The following SDK1 variants were observed in gnomAD, a reference collection of about 807,000 sequenced individuals.
SDK1 encodes protein sidekick-1.
SDK1 carries 157 observed loss-of-function variants against 245.5 expected under a neutral mutation model. The ratio of observed to expected loss-of-function variants is 0.64; its 90% CI spans 0.56 to 0.73. The LOEUF is 0.73. Among genes scored for constraint, SDK1 ranks in the 30% least tolerant of loss-of-function variants. The pLI, the probability that SDK1 is intolerant of heterozygous loss-of-function variation, is 0.00. For synonymous variants in SDK1, 1,647 were observed against 1,278.5 expected, an observed-to-expected ratio of 1.29 and a Z score of -6.15; for missense variants, 3,583 against 3,002.3, an observed-to-expected ratio of 1.19 and a Z score of -4.52.
At position 3,571,669 on chromosome 7, in the gene SDK1, T is replaced by G. The variant is rs575929406; in HGVS notation, c.299-47411T>G. 7.2e-5 allele frequency among the ~76,000 whole-genome samples: 11 copies of G among 152,232 alleles called. No individual in the cohort carries two copies. The East Asian group carries it at 2.1e-3, about 29-fold the overall frequency. ...TCAAAGCTCCACATCTTTTAACGAT[T>G]ATTACTATTTGATCTAAAACCTTTT... is the stretch of plus-strand genomic sequence containing the variant. On this transcript the variant is annotated intron_variant, in intron 1 of 44. Transcript: ENST00000404826.
chr7:3,810,352 G>A (rs137897791), intron 4 of SDK1, among the ~76,000 whole-genome samples: 1 of 151,224 alleles, frequency 6.6e-6, no homozygotes, highest in Admixed American at 6.6e-5. Context: ...TTTTTTCCTG[G>A]AATTTTTATT....
At position 3,383,449 on chromosome 7, in the gene SDK1, T is replaced by G. The variant is rs543211895; in HGVS notation, c.298+81565T>G. 3.9e-5 allele frequency among the ~76,000 whole-genome samples: 6 copies of G among 152,292 alleles called. No individual in the cohort carries two copies. The South Asian group carries it at 1.2e-3, about 32-fold the overall frequency. On this transcript the variant is annotated intron_variant, in intron 1 of 44. Coordinates refer to ENST00000404826, the MANE Select transcript of SDK1 (RefSeq NM_152744.4). ...TGGGGTGATTTCCCTCTCCCCAGTTTGGAAGTCTTCAATAAAAGGATAAAA... is the reference window on the plus strand; with the variant it reads ...TGGGGTGATTTCCCTCTCCCCAGTTGGGAAGTCTTCAATAAAAGGATAAAA...
intron 4 of SDK1, among the ~76,000 whole-genome samples, chr7:3,781,975 A>G (rs904527780): frequency 1.3e-5 from 2 of 152,230 alleles, no homozygotes; most frequent in African/African-American, 4.8e-5. Context: ...AGCAGAGAGA[A>G]AAAAGCACCA....
At chr7:4,248,583 C>G (rs1386023940) in intron 44 of SDK1, among the ~76,000 whole-genome samples, 1 of 152,028 alleles carries the variant, frequency 6.6e-6, no homozygotes, top group African/African-American at 2.4e-5. Flanking sequence ...TACATGCACA[C>G]ACATGCATAC....
At chr7:4,034,132 A>G (rs970901312) in intron 17 of SDK1, among the ~76,000 whole-genome samples, 3 of 152,228 alleles carry the variant, frequency 2.0e-5, no homozygotes, top group Non-Finnish European at 2.9e-5. Context: ...GAATCAAGTT[A>G]AAAAGAAACA....
At chr7:4,064,180 T>C (rs1257427911) in intron 19 of SDK1, among the ~76,000 whole-genome samples, 1 of 152,166 alleles carries the variant, frequency 6.6e-6, no homozygotes, top group Non-Finnish European at 1.5e-5. Flanking sequence ...AAACTATTCA[T>C]CTGGTAAGGG....
At chr7:3,724,117 C>T (rs1373737717) in intron 4 of SDK1, among the ~76,000 whole-genome samples, 1 of 151,932 alleles carries the variant, frequency 6.6e-6, no homozygotes, top group Non-Finnish European at 1.5e-5. Flanking sequence ...GCGTGTGCCA[C>T]CATGCTCAGC....
At chr7:3,728,503 C>G (rs1246355151) in intron 4 of SDK1, among the ~76,000 whole-genome samples, 1 of 152,222 alleles carries the variant, frequency 6.6e-6, no homozygotes, top group Non-Finnish European at 1.5e-5. Context: ...ATGAATAAAT[C>G]CCCAAAACTC....
chr7:3,700,788 CT>C (rs1562380919), intron 4 of SDK1, among the ~76,000 whole-genome samples: 3 of 152,188 alleles, frequency 2.0e-5, no homozygotes, highest in Admixed American at 2.0e-4. Flanking sequence ...TACTTTTGCA[CT>C]TTTTGTTCTT....
intron 4 of SDK1, among the ~76,000 whole-genome samples, chr7:3,651,399 G>C (rs958110729): frequency 6.6e-6 from 1 of 152,148 alleles, no homozygotes; most frequent in Non-Finnish European, 1.5e-5. Flanking sequence ...CAAACTTCTT[G>C]TTGTGAGAAA....
At chr7:3,682,721 A>G (rs1486299640) in intron 4 of SDK1, among the ~76,000 whole-genome samples, 1 of 29,054 alleles carries the variant, frequency 3.4e-5, no homozygotes, top group Non-Finnish European at 9.1e-5. Flanking sequence ...TTGGATTTAC[A>G]GTTTTTTTTT....
rs1236581065 is a variant in SDK1 at position 4,194,361 on chromosome 7, C to T, written c.5099-11518C>T. Reference sequence around the variant, plus strand: ...ATACATGTATAGATATATGTATGCACGTATGTGTATACATGTATGTGTATA... The same window carrying T: ...ATACATGTATAGATATATGTATGCATGTATGTGTATACATGTATGTGTATA... On this transcript the variant is annotated intron_variant, in intron 35 of 44. Transcript: ENST00000404826. 1.1e-4 allele frequency among the ~76,000 whole-genome samples: 10 copies of T among 93,162 alleles called. No homozygotes were observed. In the South Asian group the frequency reaches 1.5e-3, roughly 14 times the overall value. 61.1% of individuals were successfully genotyped at this position (93,162 alleles called of 152,430 possible).
rs529582399 is a variant in SDK1 at position 3,766,627 on chromosome 7, A to C, written c.714-54823A>C. Among the ~76,000 whole-genome samples, 440 of 152,326 alleles carry C rather than the reference A, an allele frequency of 2.9e-3. 4 individuals carry two copies. The highest frequency in any genetic ancestry group is 8.3e-3 in the Admixed American group (127 of 15,294). On this transcript the variant is annotated intron_variant, in intron 4 of 44. Transcript: ENST00000404826. ...TTAGTAAATAAGCTTTAGTAAGGAC[A>C]TGCAAGATCTGTAAAGAATAGCTTT... is the stretch of plus-strand genomic sequence containing the variant.
At chr7:3,442,897 T>C (rs918478940) in intron 1 of SDK1, among the ~76,000 whole-genome samples, 2 of 152,220 alleles carry the variant, frequency 1.3e-5, no homozygotes, top group Admixed American at 6.5e-5. Context: ...CGAACACTTT[T>C]GATCTTTTCG....
intron 22 of SDK1, among the ~76,000 whole-genome samples, chr7:4,087,435 C>T (rs1284652675): frequency 6.6e-6 from 1 of 151,778 alleles, no homozygotes; most frequent in Non-Finnish European, 1.5e-5. Flanking sequence ...TCTGGTGAGG[C>T]CTGCTTCCCC....
intron 19 of SDK1, among the ~76,000 whole-genome samples, chr7:4,060,278 T>A (rs990635327): frequency 6.6e-6 from 1 of 151,968 alleles, no homozygotes; most frequent in African/African-American, 2.4e-5. Context: ...AATGCCTACA[T>A]CAGAAAAAAG....
intron 1 of SDK1, among the ~76,000 whole-genome samples, chr7:3,600,683 G>T (rs1038030738): frequency 6.6e-6 from 1 of 151,206 alleles, no homozygotes; most frequent in African/African-American, 2.4e-5. Flanking sequence ...CATGTAGCTG[G>T]GACTACAGGC....
At chr7:3,575,766 G>C (rs997650303) in intron 1 of SDK1, among the ~76,000 whole-genome samples, 11 of 152,020 alleles carry the variant, frequency 7.2e-5, no homozygotes, top group African/African-American at 2.7e-4. Flanking sequence ...AGTAGAAACA[G>C]GCTTCCCAGT....
rs537965261 is a variant in SDK1 at position 4,130,234 on chromosome 7, A to T, written c.4129+137A>T. The T allele has an allele frequency of 1.9e-4, 201 of 1,045,694 alleles. 3 individuals are homozygous for T. In the South Asian group the frequency reaches 3.4e-3, roughly 18 times the overall value. The allele number at this position is 1,045,694 out of a possible 1,614,324, so 64.8% of individuals were successfully genotyped here. On this transcript the variant is annotated intron_variant, in intron 27 of 44. Transcript: ENST00000404826. The stretch of plus-strand genomic sequence containing the variant: ...TTTGCAGTTGAGGGAAACAAAACAA[A>T]ATTGTTTTTCAGTCACTGAGCACTT...
Sources: gnomAD v4.1 joint callset for allele counts (sites outside exome capture counted in the v4.1 genomes callset) on GRCh38, gnomAD v4.1.1 for gene constraint, MANE v1.5 for transcripts, NCBI Gene and HGNC (gene_info 2026-07-23, HGNC 2026-07-21) for gene names.